The following POLR1A variants were observed in gnomAD, a reference collection of about 807,000 sequenced individuals.
POLR1A encodes the protein DNA-directed RNA polymerase I subunit RPA1.
Under a neutral mutation model 205.3 loss-of-function variants are expected in POLR1A, and 84 were observed. The ratio of observed to expected loss-of-function variants is 0.41; its 90% CI spans 0.34 to 0.49. The LOEUF is 0.49. Ranked by LOEUF, POLR1A falls within the 20% of genes least tolerant of loss-of-function variation. POLR1A has a pLI of 0.22. For synonymous variants in POLR1A, 799 were observed against 863.7 expected, an observed-to-expected ratio of 0.93 and a Z score of 1.31; for missense variants, 1,645 against 2,204.5, an observed-to-expected ratio of 0.75 and a Z score of 5.08.
At position 86,080,876 on chromosome 2, in the gene POLR1A, CAGA is replaced by C; in HGVS notation, c.1023_1025del (p.Leu342del). 6.2e-7 allele frequency: 1 copy of C among 1,614,166 alleles called. No individual in the cohort carries two copies. Among genetic ancestry groups the C allele is most frequent in the Non-Finnish European group, 8.5e-7 (1 of 1,180,020 alleles). ...ACTTCTGTTCTTGGGCCATCAATGC[CAGA>C]AGTTTTCGAATCAGAACTACATCCT... On this transcript the variant is annotated inframe_deletion, in exon 9 of 34. Transcript: ENST00000263857.
chr2:86,063,569 C>G (rs1673037241), intron 14 of POLR1A, among the ~76,000 whole-genome samples: 1 of 152,072 alleles, frequency 6.6e-6, no homozygotes. Context: ...GAAAATAAAA[C>G]TACAGACCAA....
At chr2:86,094,498 G>C (rs946489533) in intron 3 of POLR1A, among the ~76,000 whole-genome samples, 2 of 152,104 alleles carry the variant, frequency 1.3e-5, no homozygotes, top group African/African-American at 4.8e-5. Flanking sequence ...CTCTGTCCCA[G>C]CTCTAGATCA....
At chr2:86,081,250 T>A (rs1331799982) in intron 8 of POLR1A, among the ~76,000 whole-genome samples, 1 of 151,906 alleles carries the variant, frequency 6.6e-6, no homozygotes, top group African/African-American at 2.4e-5. Context: ...ACAAAAATTA[T>A]TTGGGTGTGG....
At chr2:86,058,063 C>T (rs1449311339) in intron 14 of POLR1A, among the ~76,000 whole-genome samples, 1 of 152,134 alleles carries the variant, frequency 6.6e-6, no homozygotes, top group Non-Finnish European at 1.5e-5. Flanking sequence ...TGTGTGCCAC[C>T]ATGCCCAGCT....
chr2:86,031,752 C>A, intron 29 of POLR1A, 117 bp from the exon 30 acceptor site: 1 of 1,349,722 alleles, frequency 7.4e-7, no homozygotes, highest in South Asian at 1.4e-5. Flanking sequence ...CTAGGCCCCA[C>A]CTGCTCCACA....
intron 3 of POLR1A, among the ~76,000 whole-genome samples, chr2:86,092,161 G>A (rs963846713): frequency 6.6e-6 from 1 of 152,146 alleles, no homozygotes; most frequent in African/African-American, 2.4e-5. Context: ...GGAAATGTCA[G>A]TTGTGTTATT....
At chr2:86,075,572 G>A (rs923782329) in intron 11 of POLR1A, among the ~76,000 whole-genome samples, 9 of 152,096 alleles carry the variant, frequency 5.9e-5, no homozygotes, top group South Asian at 2.1e-4. Context: ...GCAATGGCGC[G>A]ATCTCGGCTC....
At chr2:86,083,374 T>TA (rs150660361) in intron 6 of POLR1A, among the ~76,000 whole-genome samples, 211 of 127,594 alleles carry the variant, frequency 1.7e-3, no homozygotes, top group Middle Eastern at 4.3e-3. Flanking sequence ...GTATAAAACC[T>TA]AAAAAAAAAA....
At chr2:86,074,874 C>A (rs995887179) in intron 12 of POLR1A, among the ~76,000 whole-genome samples, 156 bp downstream of exon 12, 2 of 152,178 alleles carry the variant, frequency 1.3e-5, no homozygotes, top group Non-Finnish European at 2.9e-5. Context: ...CCGGAGACTA[C>A]AAGGTGAATC....
chr2:86,033,643 C>T lies in POLR1A; in HGVS notation c.4161+18G>A. 6.2e-7 allele frequency: 1 copy of T among 1,611,354 alleles called. No homozygotes were observed. Among genetic ancestry groups the T allele is most frequent in the Non-Finnish European group, 8.5e-7 (1 of 1,178,954 alleles). ...GCTGTCCCTGTGCAACTCTAGTGAC[C>T]CCCGGGGACTCACTCACCCGACTCC... On this transcript the variant is annotated intron_variant, in intron 28 of 33. Coordinates refer to ENST00000263857, the MANE Select transcript of POLR1A (RefSeq NM_015425.6).
At chr2:86,103,404 C>T (rs933248768) in intron 1 of POLR1A, among the ~76,000 whole-genome samples, 6 of 152,054 alleles carry the variant, frequency 3.9e-5, no homozygotes, top group Admixed American at 3.3e-4. Flanking sequence ...CTGAAATGAC[C>T]CCTCCAGGCC....
chr2:86,082,891 G>C (rs1236523139), intron 7 of POLR1A, among the ~76,000 whole-genome samples, 191 bp downstream of exon 7: 1 of 152,170 alleles, frequency 6.6e-6, no homozygotes, highest in African/African-American at 2.4e-5. Context: ...AGTTTTTGGT[G>C]CTGGGTATGA....
intron 12 of POLR1A, among the ~76,000 whole-genome samples, chr2:86,074,061 A>G (rs1246979727): frequency 6.6e-6 from 1 of 152,208 alleles, no homozygotes; most frequent in African/African-American, 2.4e-5. Context: ...AGAATACAGT[A>G]ATACAGGCAG....
Position 86,045,262 on chromosome 2 carries a change from G to T in POLR1A, c.2969+16C>A, listed in dbSNP as rs373000391. 1.3e-5 allele frequency: 20 copies of T among 1,565,808 alleles called. 1 individual carries two copies. In the South Asian group the frequency reaches 2.2e-4, roughly 17 times the overall value. ...CCTGGCACTCTACCTCAAGGGGCAC[G>T]GCAGATACATTTTACCTTTGGAGAT... On this transcript the variant is annotated intron_variant, in intron 21 of 33. Transcript: ENST00000263857.
chr2:86,080,983 A>T lies in POLR1A; in HGVS notation c.924-5T>A, dbSNP rs1673390074. ...AGGCGACTGACTGGGCGATACCTGC[A>T]GGGGGACATACGGAATAAATGAATG... is the stretch of plus-strand genomic sequence containing the variant. On this transcript the variant is annotated splice_polypyrimidine_tract_variant and splice_region_variant and intron_variant, in intron 8 of 33. Transcript: ENST00000263857. The T allele has an allele frequency of 1.2e-6, 2 of 1,608,014 alleles. No individual in the cohort carries two copies. Among genetic ancestry groups the T allele is most frequent in the Non-Finnish European group, 1.7e-6 (2 of 1,176,842 alleles).
At position 86,040,406 on chromosome 2, in the gene POLR1A, G is replaced by C; in HGVS notation, c.3726C>G (p.Thr1242=). The C allele has an allele frequency of 6.2e-7, 1 of 1,608,624 alleles. No homozygotes were observed. Among genetic ancestry groups the C allele is most frequent in the Non-Finnish European group, 8.5e-7 (1 of 1,177,048 alleles). The change falls in exon 25 of 34, where the codon ACC becomes ACG. Residue 1242 remains threonine, a synonymous_variant. Coordinates refer to ENST00000263857, the MANE Select transcript of POLR1A (RefSeq NM_015425.6). The part of the protein sequence containing the change: ...HFAGRGEMNV[T]LGIPRLREIL... ...GTGCCCCACACCTTGGAATGCCCAG[G>C]GTGACGTTCATCTCGCCTCTGCCTG...
chr2:86,032,147 G>C, intron 29 of POLR1A, 125 bp downstream of exon 29: 2 of 707,378 alleles, frequency 2.8e-6, no homozygotes, highest in Non-Finnish European at 5.1e-6. Flanking sequence ...GGCAGGTGCT[G>C]CTTCAGGGTT....
At chr2:86,034,025 C>T (rs367707043) in intron 27 of POLR1A, among the ~76,000 whole-genome samples, 86 of 152,342 alleles carry the variant, frequency 5.6e-4, no homozygotes, top group African/African-American at 1.9e-3. Flanking sequence ...CTGCCACTCC[C>T]GGGGTATGAG....
intron 16 of POLR1A, among the ~76,000 whole-genome samples, chr2:86,051,618 G>A (rs375312851): frequency 1.4e-4 from 21 of 152,310 alleles, no homozygotes; most frequent in African/African-American, 4.6e-4. Context: ...AGCATCTCGC[G>A]TCCCCCTAAC....
Sources: gnomAD v4.1 joint callset for allele counts (sites outside exome capture counted in the v4.1 genomes callset) on GRCh38, gnomAD v4.1.1 for gene constraint, MANE v1.5 for transcripts, NCBI Gene and HGNC (gene_info 2026-07-23, HGNC 2026-07-21) for gene names.